The following MYO1D variants were observed in gnomAD, a reference collection of about 807,000 sequenced individuals.
MYO1D encodes myosin ID.
MYO1D carries 83 observed loss-of-function variants against 122.0 expected under a neutral mutation model. That is an observed-to-expected ratio of 0.68 (90% CI 0.57 to 0.82). MYO1D has a LOEUF of 0.82. Ranked by LOEUF, MYO1D falls within the 40% of genes least tolerant of loss-of-function variation. The pLI, the probability that MYO1D is intolerant of heterozygous loss-of-function variation, is 0.00. For missense variants in MYO1D, 1,157 were observed against 1,269.5 expected (o/e 0.91, Z 1.35); for synonymous variants, 464 against 446.9 (o/e 1.04, Z -0.48).
intron 16 of MYO1D, among the ~76,000 whole-genome samples, chr17:32,709,560 T>C (rs1158348087): frequency 6.6e-6 from 1 of 151,954 alleles, no homozygotes; most frequent in Non-Finnish European, 1.5e-5. Context: ...TAGAACTGAA[T>C]GAAAGCAACA....
At chr17:32,771,845 T>C (rs752953992) in intron 5 of MYO1D, among the ~76,000 whole-genome samples, 1 of 152,256 alleles carries the variant, frequency 6.6e-6, no homozygotes, top group Non-Finnish European at 1.5e-5. Context: ...AATAGCTTAT[T>C]TAAAACATGG....
chr17:32,697,008 A>C (rs1182067001), intron 16 of MYO1D, among the ~76,000 whole-genome samples: 1 of 152,164 alleles, frequency 6.6e-6, no homozygotes, highest in Non-Finnish European at 1.5e-5. Context: ...AATCTAACAG[A>C]GTTAATTAAG....
chr17:32,833,086 A>C (rs1425633812), intron 1 of MYO1D, among the ~76,000 whole-genome samples: 1 of 152,198 alleles, frequency 6.6e-6, no homozygotes, highest in Non-Finnish European at 1.5e-5. Flanking sequence ...AGAACTGTAC[A>C]TCCACTTGCC....
In MYO1D at chr17:32,771,168, G is replaced by T. The variant is rs148000607; in HGVS notation, c.671C>A (p.Ser224Tyr). 2 of 1,611,704 alleles carry T rather than the reference G, an allele frequency of 1.2e-6. No homozygotes were observed. Among genetic ancestry groups the T allele is most frequent in the African/African-American group, 2.7e-5 (2 of 74,868 alleles). The change falls in exon 6 of 22, where the codon TCC (serine) becomes TAC (tyrosine). Residue 224 changes from serine (S) to tyrosine (Y), a missense_variant. Physicochemically the swap from Ser to Tyr is moderately radical, Grantham distance 144. Coordinates refer to ENST00000318217, the MANE Select transcript of MYO1D (RefSeq NM_015194.3). ...ATGAATATAGTTGTAGGATGAAAGGGATTTCTGGAGATGTAGAGAGCGTAG... is the reference window on the plus strand; with the variant it reads ...ATGAATATAGTTGTAGGATGAAAGGTATTTCTGGAGATGTAGAGAGCGTAG... ...QMLRSLHLQK[S>Y]LSSYNYIHVG...
rs201891841 is a variant in MYO1D at position 32,660,950 on chromosome 17, C to CT, written c.2122-1613dup. ...TTTTTAAGTTTCCTACTGTTTGTTG[C>CT]TTTTTTCTTTTATTGGGAGGAATTT... On this transcript the variant is annotated intron_variant, in intron 16 of 21. Transcript: ENST00000318217. 3.5e-3 allele frequency among the ~76,000 whole-genome samples: 536 copies of CT among 152,082 alleles called. 4 individuals are homozygous for CT. Among genetic ancestry groups the CT allele is most frequent in the African/African-American group, 0.012 (513 of 41,454 alleles).
intron 16 of MYO1D, among the ~76,000 whole-genome samples, chr17:32,703,082 G>A (rs2089267665): frequency 6.6e-6 from 1 of 152,194 alleles, no homozygotes; most frequent in South Asian, 2.1e-4. Context: ...GTAGCCTTCA[G>A]TGAGTGACAG....
At chr17:32,854,197 C>G (rs1357488795) in intron 1 of MYO1D, among the ~76,000 whole-genome samples, 1 of 152,204 alleles carries the variant, frequency 6.6e-6, no homozygotes, top group Non-Finnish European at 1.5e-5. Flanking sequence ...TAATTGCAAG[C>G]ATAGGCAATA....
At chr17:32,825,104 A>G (rs1276119217) in intron 1 of MYO1D, among the ~76,000 whole-genome samples, 1 of 152,214 alleles carries the variant, frequency 6.6e-6, no homozygotes, top group Non-Finnish European at 1.5e-5. Flanking sequence ...TATCTTTGTT[A>G]TCTCAACTGT....
chr17:32,571,658 T>C (rs1385913490), intron 21 of MYO1D, among the ~76,000 whole-genome samples: 1 of 152,208 alleles, frequency 6.6e-6, no homozygotes, highest in Non-Finnish European at 1.5e-5. Flanking sequence ...TATTTTAAAA[T>C]GAAAACTTCT....
intron 16 of MYO1D, among the ~76,000 whole-genome samples, chr17:32,661,670 C>T (rs531458117): frequency 2.6e-5 from 4 of 151,482 alleles, no homozygotes; most frequent in African/African-American, 9.7e-5. Flanking sequence ...AAAAAAAATA[C>T]CCCCCCAAAA....
At chr17:32,673,763 T>C (rs1330900520) in intron 16 of MYO1D, among the ~76,000 whole-genome samples, 1 of 152,250 alleles carries the variant, frequency 6.6e-6, no homozygotes, top group Non-Finnish European at 1.5e-5. Context: ...ATCTTTTGCA[T>C]ATAGGCCCAA....
At chr17:32,720,208 A>G (rs1032019269) in intron 15 of MYO1D, among the ~76,000 whole-genome samples, 2 of 152,144 alleles carry the variant, frequency 1.3e-5, no homozygotes, top group African/African-American at 2.4e-5. Flanking sequence ...CAAGTTATCA[A>G]TTATCATTAT....
intron 17 of MYO1D, chr17:32,658,846 T>A (rs575300973): frequency 2.7e-5 from 12 of 452,762 alleles, no homozygotes; most frequent in South Asian, 2.5e-4. Context: ...AACAGCATGC[T>A]AGTAGCTTAT....
At chr17:32,632,742 T>C (rs1050807072) in intron 20 of MYO1D, among the ~76,000 whole-genome samples, 10 of 151,902 alleles carry the variant, frequency 6.6e-5, no homozygotes, top group African/African-American at 2.4e-4. Flanking sequence ...CAGTGTTATG[T>C]TGGGAGGAGG....
rs536754236 is a variant in MYO1D at position 32,561,859 on chromosome 17, T to C, written c.2864+43228A>G. On this transcript the variant is annotated intron_variant, in intron 21 of 21. Coordinates refer to ENST00000318217, the MANE Select transcript of MYO1D (RefSeq NM_015194.3). ...TATCCTTTTAGTAATTAACTTTTGC[T>C]ATAAAGAGTTAAAAATTTTCTGTGA... Among the ~76,000 whole-genome samples the C allele has an allele frequency of 2.6e-5, 4 of 152,314 alleles. No individual in the cohort carries two copies. In the East Asian group the frequency reaches 7.7e-4, roughly 29 times the overall value.
At chr17:32,579,391 T>G (rs977000019) in intron 21 of MYO1D, among the ~76,000 whole-genome samples, 2 of 152,208 alleles carry the variant, frequency 1.3e-5, no homozygotes, top group African/African-American at 4.8e-5. Flanking sequence ...AAATAGTTCC[T>G]TTATGTATTT....
At chr17:32,830,382 A>G (rs2090760552) in intron 1 of MYO1D, 1 of 152,234 alleles carries the variant, frequency 6.6e-6, no homozygotes, top group Non-Finnish European at 1.5e-5. Flanking sequence ...ATAAGAAAAT[A>G]CTAAAAATGT....
chr17:32,677,899 C>T (rs1375699095), intron 16 of MYO1D, among the ~76,000 whole-genome samples: 1 of 152,146 alleles, frequency 6.6e-6, no homozygotes, highest in East Asian at 1.9e-4. Context: ...TTCATCTCAA[C>T]TGGCTTATGA....
At chr17:32,771,080 T>C (rs539020648) in intron 6 of MYO1D, 45 bp downstream of exon 6, 5 of 1,429,448 alleles carry the variant, frequency 3.5e-6, no homozygotes, top group East Asian at 2.3e-5. Context: ...TTCTAATCCT[T>C]TGACTGATTT....
Sources: allele counts gnomAD v4.1 joint callset (sites outside exome capture counted in the v4.1 genomes callset), GRCh38; gene constraint gnomAD v4.1.1; transcripts MANE v1.5; gene names NCBI Gene and HGNC (gene_info 2026-07-23, HGNC 2026-07-21).